SNX13: variants seen among roughly 807,000 people sequenced by gnomAD.
The protein encoded by SNX13 is sorting nexin 13.
Under a neutral mutation model 133.6 loss-of-function variants are expected in SNX13, and 45 were observed. The observed-to-expected ratio is 0.34, with a 90% CI of 0.27 to 0.43. SNX13 has a LOEUF of 0.43. SNX13 is among the 20% of genes least tolerant of loss of function. The pLI, the probability that SNX13 is intolerant of heterozygous loss-of-function variation, is 1.00. For missense variants in SNX13, 1,032 were observed against 1,145.1 expected, an observed-to-expected ratio of 0.90 and a Z score of 1.43; for synonymous variants, 414 against 373.9, an observed-to-expected ratio of 1.11 and a Z score of -1.24.
chr7:17,812,190 C>G (rs975463523), intron 20 of SNX13, among the ~76,000 whole-genome samples: 6 of 152,112 alleles, frequency 3.9e-5, no homozygotes, highest in African/African-American at 1.4e-4. Context: ...GCAAAAGAAA[C>G]TACCATCAGC....
At position 17,940,461 on chromosome 7, in the gene SNX13, GCTCGC is replaced by G; in HGVS notation, c.-171_-167del. ...TCGCTGGCCTCCCCTCGGCCCGGTC[GCTCGC>G]GACGGACGCGCCGCCATCTTGGAAG... On this transcript the variant is annotated 5_prime_UTR_variant, in exon 1 of 26. An upstream open reading frame in the 5' UTR loses its in-frame stop. Transcript: ENST00000428135. 1 of 768,648 alleles carries G rather than the reference GCTCGC, an allele frequency of 1.3e-6. No individual in the cohort carries two copies. Among genetic ancestry groups the G allele is most frequent in the Non-Finnish European group, 2.2e-6 (1 of 445,000 alleles). The allele number at this position is 768,648 out of a possible 1,614,324, so 47.6% of individuals were successfully genotyped here. A position where few individuals can be genotyped will look rare whatever the true frequency, so the allele number is the denominator to read the frequency against.
chr7:17,811,016 A>T (rs1785938796), intron 20 of SNX13, among the ~76,000 whole-genome samples: 1 of 152,196 alleles, frequency 6.6e-6, no homozygotes, highest in Non-Finnish European at 1.5e-5. Flanking sequence ...AAATAATAAG[A>T]GCTATTTATG....
intron 1 of SNX13, among the ~76,000 whole-genome samples, chr7:17,930,481 C>A (rs376270418): frequency 6.6e-6 from 1 of 152,100 alleles, no homozygotes; most frequent in Admixed American, 6.5e-5. Context: ...AATCTTTCAT[C>A]ATCACATAAA....
At chr7:17,887,299 T>C (rs555255745) in intron 5 of SNX13, among the ~76,000 whole-genome samples, 2 of 152,322 alleles carry the variant, frequency 1.3e-5, no homozygotes, top group East Asian at 3.9e-4. Context: ...ATAGATTTTC[T>C]GACACAGGCC....
At chr7:17,862,471 T>C (rs1217049994) in intron 9 of SNX13, among the ~76,000 whole-genome samples, 1 of 152,180 alleles carries the variant, frequency 6.6e-6, no homozygotes, top group Non-Finnish European at 1.5e-5. Context: ...TTACTACCTT[T>C]CTATTAACAT....
intron 1 of SNX13, among the ~76,000 whole-genome samples, chr7:17,921,480 T>G (rs1800125613): frequency 6.6e-6 from 1 of 152,182 alleles, no homozygotes; most frequent in Non-Finnish European, 1.5e-5. Context: ...TTCACTATTT[T>G]TGCTTCAAGT....
At chr7:17,926,215 G>A (rs17138455) in intron 1 of SNX13, among the ~76,000 whole-genome samples, 20,884 of 152,026 alleles carry the variant, frequency 0.14, 1,690 homozygotes, top group East Asian at 0.28. Context: ...ACTGTATAAC[G>A]GGTGCTAGTG....
intron 1 of SNX13, among the ~76,000 whole-genome samples, chr7:17,918,312 G>A (rs955745283): frequency 6.6e-6 from 1 of 151,972 alleles, no homozygotes; most frequent in Non-Finnish European, 1.5e-5. Context: ...CTTCTGCACA[G>A]CAAAAGAAAC....
chr7:17,813,551 A>G (rs2128296692), intron 20 of SNX13, among the ~76,000 whole-genome samples: 1 of 151,968 alleles, frequency 6.6e-6, no homozygotes, highest in South Asian at 2.1e-4. Flanking sequence ...GCACCAAACT[A>G]TACAATCAAA....
At chr7:17,888,988 TAGTC>T (rs1159957523) in intron 5 of SNX13, 3 of 219,248 alleles carry the variant, frequency 1.4e-5, no homozygotes, top group Non-Finnish European at 2.8e-5. Flanking sequence ...TATTTTTCAA[TAGTC>T]AGGCACAAGA....
At chr7:17,794,790 T>C (rs1033354759) in intron 25 of SNX13, 1 of 151,552 alleles carries the variant, frequency 6.6e-6, no homozygotes, top group Non-Finnish European at 1.5e-5. Context: ...TAATCCATGA[T>C]GGTGAATAAA....
Position 17,856,800 on chromosome 7 carries a change from A to G in SNX13, c.838-5836T>C, listed in dbSNP as rs201183936. On this transcript the variant is annotated intron_variant, in intron 9 of 25. Coordinates refer to ENST00000428135, the MANE Select transcript of SNX13 (RefSeq NM_015132.5). Reference sequence around the variant, plus strand: ...GAGACTCTCTTAAAAAAAAAAAAAAAAAAGAAAGAAAGAAAGAAAAGAAAA... The same window carrying G: ...GAGACTCTCTTAAAAAAAAAAAAAAGAAAGAAAGAAAGAAAGAAAAGAAAA... 1.8e-3 allele frequency among the ~76,000 whole-genome samples: 269 copies of G among 149,344 alleles called. 2 individuals carry two copies. In the East Asian group the frequency reaches 0.02, roughly 11 times the overall value.
chr7:17,808,161 G>A (rs1042531302), intron 20 of SNX13, among the ~76,000 whole-genome samples: 2 of 152,138 alleles, frequency 1.3e-5, no homozygotes, highest in Non-Finnish European at 2.9e-5. Flanking sequence ...AAACTCCTCT[G>A]ACCTAAAGGA....
At chr7:17,877,045 G>GAAAAAAAAAAAAAAA (rs57618763) in intron 5 of SNX13, among the ~76,000 whole-genome samples, 1 of 60,068 alleles carries the variant, frequency 1.7e-5, no homozygotes, top group African/African-American at 5.2e-5. Flanking sequence ...GTTACTTTTT[G>GAAAAAAAAAAAAAAA]AAAAAAAAAA....
intron 1 of SNX13, among the ~76,000 whole-genome samples, chr7:17,908,076 G>C (rs1191618112): frequency 1.3e-5 from 2 of 152,090 alleles, no homozygotes; most frequent in African/African-American, 4.8e-5. Context: ...ATTCATTCAA[G>C]ATCCCAAATG....
At chr7:17,849,943 G>T (rs750088376) in intron 11 of SNX13, among the ~76,000 whole-genome samples, 1 of 152,010 alleles carries the variant, frequency 6.6e-6, no homozygotes, top group Non-Finnish European at 1.5e-5. Flanking sequence ...CTGATATTAC[G>T]CGTCAATTTG....
chr7:17,901,747 C>T (rs1049372260), intron 1 of SNX13, among the ~76,000 whole-genome samples: 4 of 152,142 alleles, frequency 2.6e-5, no homozygotes, highest in Non-Finnish European at 4.4e-5. Flanking sequence ...CCTCTTGCAG[C>T]AATATGAAGT....
At chr7:17,805,244 T>TGTGTGTGC (rs1253540091) in intron 20 of SNX13, among the ~76,000 whole-genome samples, 2 of 107,300 alleles carry the variant, frequency 1.9e-5, no homozygotes, top group African/African-American at 6.3e-5. Flanking sequence ...TGTGTGTGTG[T>TGTGTGTGC]GTGTGTGCGT....
chr7:17,911,606 C>A (rs1314692254), intron 1 of SNX13, among the ~76,000 whole-genome samples: 2 of 150,038 alleles, frequency 1.3e-5, no homozygotes, highest in African/African-American at 4.9e-5. Flanking sequence ...CCACTGCACT[C>A]CAGCCACGGC....
Sources: gnomAD v4.1 joint callset for allele counts (sites outside exome capture counted in the v4.1 genomes callset) on GRCh38, gnomAD v4.1.1 for gene constraint, MANE v1.5 for transcripts, NCBI Gene and HGNC (gene_info 2026-07-23, HGNC 2026-07-21) for gene names.